Variants in LEMD3 observed in about 807,000 individuals in gnomAD.
LEMD3 encodes the protein inner nuclear membrane protein Man1.
A neutral mutation model predicts 95.2 loss-of-function variants in LEMD3; 33 were observed. The observed-to-expected ratio is 0.35, with a 90% CI of 0.26 to 0.46. LEMD3 has a LOEUF of 0.46. Ranked by LOEUF, LEMD3 falls within the 20% of genes least tolerant of loss-of-function variation. LEMD3 has a pLI of 1.00. For synonymous variants in LEMD3, 525 were observed against 474.6 expected (o/e 1.11, Z -1.38); for missense variants, 1,210 against 1,192.8 (o/e 1.01, Z -0.21).
intron 1 of LEMD3, among the ~76,000 whole-genome samples, chr12:65,177,385 A>C (rs1168862524): frequency 6.6e-6 from 1 of 151,800 alleles, no homozygotes; most frequent in African/African-American, 2.4e-5. Context: ...TAAGAGACAG[A>C]TAGGAGTCAA....
chr12:65,208,692 T>C (rs570191258), intron 1 of LEMD3, among the ~76,000 whole-genome samples: 3 of 152,268 alleles, frequency 2.0e-5, no homozygotes, highest in East Asian at 1.9e-4. Context: ...GTTGGTGTTT[T>C]CTTGTAAAAA....
At chr12:65,243,609 T>G (rs1871000933) in intron 10 of LEMD3, 140 bp downstream of exon 10, 2 of 679,774 alleles carry the variant, frequency 2.9e-6, no homozygotes, top group Non-Finnish European at 5.4e-6. Context: ...TATGTTTTTC[T>G]CTTTCATTAA....
intron 1 of LEMD3, among the ~76,000 whole-genome samples, chr12:65,207,675 G>A (rs555567815): frequency 7.2e-4 from 110 of 152,204 alleles, no homozygotes; most frequent in Middle Eastern, 3.4e-3. Context: ...TGGCTGTGTT[G>A]ATCCAAAGAA....
At chr12:65,225,142 G>T (rs1870409288) in intron 4 of LEMD3, among the ~76,000 whole-genome samples, 1 of 152,004 alleles carries the variant, frequency 6.6e-6, no homozygotes, top group Non-Finnish European at 1.5e-5. Flanking sequence ...TTGTTTTCCT[G>T]ATCTTGTTGA....
At chr12:65,231,552 T>C (rs1870630136) in intron 4 of LEMD3, among the ~76,000 whole-genome samples, 1 of 151,998 alleles carries the variant, frequency 6.6e-6, no homozygotes, top group South Asian at 2.1e-4. Flanking sequence ...CTAGGTGTGG[T>C]GGCACATGGC....
intron 4 of LEMD3, among the ~76,000 whole-genome samples, chr12:65,227,297 T>G (rs1005245563): frequency 2.6e-5 from 4 of 152,198 alleles, no homozygotes; most frequent in Non-Finnish European, 5.9e-5. Context: ...CCTGTTTTCT[T>G]TTTGTTAGGT....
chr12:65,178,172 G>A (rs981569631), intron 1 of LEMD3, among the ~76,000 whole-genome samples: 2 of 151,230 alleles, frequency 1.3e-5, no homozygotes, highest in African/African-American at 4.9e-5. Flanking sequence ...AAGAATGAAA[G>A]CTCCATGTTA....
Position 65,240,184 on chromosome 12 carries a change from A to G in LEMD3, c.2072A>G (p.Gln691Arg). 2 of 1,613,964 alleles carry G rather than the reference A, an allele frequency of 1.2e-6. No individual in the cohort carries two copies. Among genetic ancestry groups the G allele is most frequent in the Non-Finnish European group, 1.7e-6 (2 of 1,179,876 alleles). Reference protein sequence around the residue: ...NEACQENKDLQPYMPIPHVRD... With the variant: ...NEACQENKDLRPYMPIPHVRD... The stretch of plus-strand genomic sequence containing the variant: ...GCCTGCCAGGAAAACAAAGATTTAC[A>G]ACCTTACATGCCTATTCCACATGTA... Residue 691 changes from glutamine (Q) to arginine (R), a missense_variant, in exon 8 of 13, where the codon CAA becomes CGA. This residue lies in a region of LEMD3 where 461 missense variants were observed against 569.8 expected (regional missense o/e 0.81). Coordinates refer to ENST00000308330, the MANE Select transcript of LEMD3 (RefSeq NM_014319.5).
chr12:65,175,500 C>T (rs1868690130), intron 1 of LEMD3, among the ~76,000 whole-genome samples: 1 of 152,154 alleles, frequency 6.6e-6, no homozygotes, highest in Non-Finnish European at 1.5e-5. Flanking sequence ...CTTCAAGTCA[C>T]CAGTTACTCA....
At chr12:65,226,189 C>T (rs958823109) in intron 4 of LEMD3, among the ~76,000 whole-genome samples, 1 of 152,090 alleles carries the variant, frequency 6.6e-6, no homozygotes, top group African/African-American at 2.4e-5. Context: ...CCAGTTGCCC[C>T]GAAAAGTCAG....
intron 1 of LEMD3, among the ~76,000 whole-genome samples, chr12:65,190,630 T>C (rs1354500216): frequency 2.0e-5 from 3 of 152,198 alleles, no homozygotes; most frequent in Non-Finnish European, 4.4e-5. Flanking sequence ...CATGTTTCGA[T>C]TGATGTATTA....
At chr12:65,242,493 C>T (rs780179958) in intron 9 of LEMD3, among the ~76,000 whole-genome samples, 2 of 152,182 alleles carry the variant, frequency 1.3e-5, no homozygotes, top group Non-Finnish European at 2.9e-5. Flanking sequence ...GTACACCAGC[C>T]TGATCCTCTT....
chr12:65,227,953 A>G (rs1276377406), intron 4 of LEMD3, among the ~76,000 whole-genome samples: 2 of 152,060 alleles, frequency 1.3e-5, no homozygotes, highest in East Asian at 3.9e-4. Context: ...TATTGACTCT[A>G]TTCAGTATTT....
At chr12:65,194,980 G>A (rs1336805512) in intron 1 of LEMD3, among the ~76,000 whole-genome samples, 1 of 147,088 alleles carries the variant, frequency 6.8e-6, no homozygotes, top group Non-Finnish European at 1.5e-5. Flanking sequence ...CCAAGCCCCA[G>A]GAATGACTAA....
In LEMD3 at chr12:65,201,718, A is replaced by G. The variant is rs117918537; in HGVS notation, c.1523-9208A>G. ...TTGGATTTTCTACATATATTGTCAT[A>G]TTATCTGTGAACAAAGTTTTATTTC... On this transcript the variant is annotated intron_variant, in intron 1 of 12. Coordinates refer to ENST00000308330, the MANE Select transcript of LEMD3 (RefSeq NM_014319.5). 4.9e-3 allele frequency among the ~76,000 whole-genome samples: 738 copies of G among 152,080 alleles called. 3 individuals carry two copies. The highest frequency in any genetic ancestry group is 8.0e-3 in the Non-Finnish European group (547 of 67,968).
At chr12:65,201,971 T>G (rs949607165) in intron 1 of LEMD3, among the ~76,000 whole-genome samples, 5 of 152,126 alleles carry the variant, frequency 3.3e-5, no homozygotes, top group African/African-American at 1.2e-4. Context: ...TATTCCTAGT[T>G]TATTTTACTG....
chr12:65,236,703 A>G (rs992657235), intron 4 of LEMD3, among the ~76,000 whole-genome samples: 1 of 152,180 alleles, frequency 6.6e-6, no homozygotes, highest in Non-Finnish European at 1.5e-5. Flanking sequence ...GGTGTTTATA[A>G]CAGTATTATA....
At position 65,169,697 on chromosome 12, in the gene LEMD3, G is replaced by T; in HGVS notation, c.101G>T (p.Ser34Ile). 1 of 1,584,144 alleles carries T rather than the reference G, an allele frequency of 6.3e-7. No homozygotes were observed. The highest frequency in any genetic ancestry group is 1.1e-5 in the South Asian group (1 of 87,032). Residue 34 changes from serine to isoleucine, a missense_variant, in exon 1 of 13, where the codon AGC becomes ATC. Ser to Ile is a moderately radical substitution (Grantham distance 142). This residue lies in a region of LEMD3 where 749 missense variants were observed against 622.9 expected (regional missense o/e 1.20). Coordinates refer to ENST00000308330, the MANE Select transcript of LEMD3 (RefSeq NM_014319.5). ...YGLSPGPVTE[S>I]TRPVYLKKLK... ...CTGTCTCCCGGACCAGTGACGGAGA[G>T]CACCCGCCCGGTCTACCTCAAGAAG...
At chr12:65,223,668 A>C (rs143123779) in intron 4 of LEMD3, among the ~76,000 whole-genome samples, 86 of 151,524 alleles carry the variant, frequency 5.7e-4, no homozygotes, top group Admixed American at 1.5e-3. Flanking sequence ...TTTTTTTTTA[A>C]TTATTCATTC....
Sources: gnomAD v4.1 joint callset for allele counts (sites outside exome capture counted in the v4.1 genomes callset) on GRCh38, gnomAD v4.1.1 for gene constraint, gnomAD v4.1.1 regional missense constraint, MANE v1.5 for transcripts, NCBI Gene and HGNC (gene_info 2026-07-23, HGNC 2026-07-21) for gene names.